The following HEATR6 variants were observed in gnomAD, a reference collection of about 807,000 sequenced individuals.
The protein encoded by HEATR6 is HEAT repeat containing 6.
In HEATR6, 106 loss-of-function variants were observed where a neutral mutation model predicts 132.8. The observed-to-expected ratio is 0.80, with a 90% CI of 0.68 to 0.94. HEATR6 has a LOEUF of 0.94. Among genes scored for constraint, HEATR6 ranks in the 40% least tolerant of loss-of-function variants. HEATR6 has a pLI of 0.00. For synonymous variants in HEATR6, 529 were observed against 537.8 expected, an observed-to-expected ratio of 0.98 and a Z score of 0.23; for missense variants, 1,339 against 1,425.1, an observed-to-expected ratio of 0.94 and a Z score of 0.97.
chr17:60,051,814 A>G (rs1906583871), intron 14 of HEATR6, among the ~76,000 whole-genome samples: 1 of 152,108 alleles, frequency 6.6e-6, no homozygotes, highest in African/African-American at 2.4e-5. Flanking sequence ...GCTCCTGGAA[A>G]CCCAGTCTGG....
At chr17:60,060,768 C>A (rs1180108167) in intron 9 of HEATR6, among the ~76,000 whole-genome samples, 1 of 152,156 alleles carries the variant, frequency 6.6e-6, no homozygotes, top group African/African-American at 2.4e-5. Context: ...CATTAGTGAT[C>A]CAACTTTCAG....
At chr17:60,060,442 TA>T (rs996498843) in intron 9 of HEATR6, among the ~76,000 whole-genome samples, 11 of 151,232 alleles carry the variant, frequency 7.3e-5, no homozygotes, top group South Asian at 2.1e-4. Flanking sequence ...CACACCTGGC[TA>T]AAAAAAAATC....
chr17:60,049,892 G>C (rs1035455679), intron 15 of HEATR6, among the ~76,000 whole-genome samples, 190 bp from the exon 16 acceptor site: 5 of 152,210 alleles, frequency 3.3e-5, no homozygotes, highest in African/African-American at 9.6e-5. Context: ...CCCACTTTGT[G>C]CAAGACACAC....
intron 18 of HEATR6, among the ~76,000 whole-genome samples, chr17:60,046,754 A>G (rs1906379906): frequency 1.3e-5 from 2 of 152,212 alleles, no homozygotes; most frequent in South Asian, 4.1e-4. Context: ...TATTAAAGTG[A>G]GCACATGGTA....
At chr17:60,062,103 A>G (rs1822685113) in intron 9 of HEATR6, among the ~76,000 whole-genome samples, 1 of 152,216 alleles carries the variant, frequency 6.6e-6, no homozygotes, top group South Asian at 2.1e-4. Flanking sequence ...TACTTCTCAC[A>G]GTTCTGAGTT....
chr17:60,072,104 G>A (rs1327906742), intron 5 of HEATR6, 111 bp downstream of exon 5: 4 of 449,068 alleles, frequency 8.9e-6, no homozygotes, highest in Admixed American at 4.1e-5. Context: ...TCATATATGT[G>A]TATTTCTCTA....
chr17:60,048,736 A>G (rs376408655), intron 16 of HEATR6, among the ~76,000 whole-genome samples: 1 of 152,016 alleles, frequency 6.6e-6, no homozygotes, highest in African/African-American at 2.4e-5. Context: ...AAAGAAATGC[A>G]TTTCCAAAAC....
rs566042651 is a variant in HEATR6, at chr17:60,067,163, G to A, written c.1238+271C>T. On this transcript the variant is annotated intron_variant, in intron 8 of 19. Transcript: ENST00000184956. ...CGGGCGCCTGTAGTCCCAGCTACTC[G>A]GGAGGCTGAGGCAGGAGAATGGCGT... Among the ~76,000 whole-genome samples the A allele has an allele frequency of 2.0e-3, 305 of 150,316 alleles. 1 individual carries two copies. Among genetic ancestry groups the A allele is most frequent in the Non-Finnish European group, 3.4e-3 (227 of 67,216 alleles).
At chr17:60,061,636 T>C (rs1016092276) in intron 9 of HEATR6, among the ~76,000 whole-genome samples, 1 of 152,262 alleles carries the variant, frequency 6.6e-6, no homozygotes, top group African/African-American at 2.4e-5. Context: ...CCAAAAAGAC[T>C]TGATTTACGG....
At chr17:60,049,122 A>AGTGTGTGTGTGTGTGTGT (rs531092208) in intron 16 of HEATR6, among the ~76,000 whole-genome samples, 239 of 134,838 alleles carry the variant, frequency 1.8e-3, no homozygotes, top group African/African-American at 6.3e-3. Flanking sequence ...AGAGACAGAG[A>AGTGTGTGTGTGTGTGTGT]GTGTGTGTGT....
chr17:60,073,299 A>G lies in HEATR6; in HGVS notation c.469-20T>C, dbSNP rs746549597. 6 of 1,356,460 alleles carry G rather than the reference A, an allele frequency of 4.4e-6. No individual in the cohort carries two copies. In the Admixed American group the frequency reaches 5.2e-5, roughly 12 times the overall value. The allele number at this position is 1,356,460 out of a possible 1,614,324, so 84.0% of individuals were successfully genotyped here. A position where few individuals can be genotyped will look rare whatever the true frequency, so the allele number is the denominator to read the frequency against. On this transcript the variant is annotated intron_variant, in intron 3 of 19. Coordinates refer to ENST00000184956, the MANE Select transcript of HEATR6 (RefSeq NM_022070.5). ...GAGGTACTAAGAAAAATAAGAGTCA[A>G]TGTAGGTCAAAGAAAAGCTTCTAGG...
In HEATR6 at chr17:60,046,100, C is replaced by G. The variant is rs1297688926; in HGVS notation, c.2899G>C (p.Glu967Gln). 2 of 1,614,086 alleles carry G rather than the reference C, an allele frequency of 1.2e-6. No homozygotes were observed. Among genetic ancestry groups the G allele is most frequent in the Non-Finnish European group, 1.7e-6 (2 of 1,179,978 alleles). The change falls in exon 19 of 20, where the codon GAA becomes CAA. Residue 967 changes from glutamate to glutamine, a missense_variant. Transcript: ENST00000184956. ...IQALISTVLT[E>Q]AAMKVRWNAC... ...TTCCATCGGACTTTCATGGCAGCTT[C>G]TGTTAGAACAGTAGAAATTAGGGCC...
chr17:60,072,788 C>T (rs557626043), intron 4 of HEATR6, among the ~76,000 whole-genome samples: 2 of 152,282 alleles, frequency 1.3e-5, no homozygotes, highest in Admixed American at 1.3e-4. Flanking sequence ...GGGCTGTTTC[C>T]ATCTTCTTCA....
intron 1 of HEATR6, 179 bp from the exon 2 acceptor site, chr17:60,076,416 GA>G (rs2083296915): frequency 5.4e-6 from 3 of 556,416 alleles, no homozygotes; most frequent in South Asian, 2.1e-5. Flanking sequence ...AAAAAAGAAG[GA>G]AAAAGCCAGG....
At position 60,078,752 on chromosome 17, in the gene HEATR6, G is replaced by T. The variant is rs769896437; in HGVS notation, c.163C>A (p.Leu55Ile). ...TTCTCGGAGATGAGCTGATCGAAGA[G>T]CAGGTGGATCTCGGTGCGGGCGGAG... ...SSSARTEIHL[L>I]FDQLISENYS... The change falls in exon 1 of 20, where the codon CTC becomes ATC. Residue 55 changes from leucine to isoleucine, a missense_variant. Transcript: ENST00000184956. 80 of 1,566,368 alleles carry T rather than the reference G, an allele frequency of 5.1e-5. No homozygotes were observed. The highest frequency in any genetic ancestry group is 2.6e-6 in the Non-Finnish European group (3 of 1,156,672).
In HEATR6 at chr17:60,076,148, A is replaced by T. The variant is rs1435476076; in HGVS notation, c.309T>A (p.His103Gln). The stretch of plus-strand genomic sequence containing the variant: ...TGATTACCTGTAATCTGTTAAGTAA[A>T]TGGTGGATAAGCTGGCTCACTTTGC... ...LVSKVSQLIH[H>Q]LLNRLQVIVD... The change falls in exon 2 of 20, where the codon CAT (histidine) becomes CAA (glutamine). Residue 103 changes from histidine to glutamine, a missense_variant. By Grantham distance (24) the His-to-Gln change is conservative. Coordinates refer to ENST00000184956, the MANE Select transcript of HEATR6 (RefSeq NM_022070.5). 1.9e-6 allele frequency: 3 copies of T among 1,602,252 alleles called. No homozygotes were observed. Among genetic ancestry groups the T allele is most frequent in the Non-Finnish European group, 2.6e-6 (3 of 1,170,214 alleles).
At chr17:60,049,148 T>TGC (rs1242015975) in intron 16 of HEATR6, among the ~76,000 whole-genome samples, 3 of 150,240 alleles carry the variant, frequency 2.0e-5, no homozygotes, top group Admixed American at 6.6e-5. Context: ...TGTGTGTGTG[T>TGC]GTGTGTGTCT....
intron 9 of HEATR6, chr17:60,063,406 T>C (rs1329876964): frequency 1.3e-5 from 2 of 152,224 alleles, no homozygotes; most frequent in Non-Finnish European, 2.9e-5. Context: ...AAGGAAATCA[T>C]ATCCAAGAAA....
At chr17:60,062,964 C>T (rs906523568) in intron 9 of HEATR6, 2 of 174,494 alleles carry the variant, frequency 1.1e-5, no homozygotes, top group Non-Finnish European at 2.3e-5. Flanking sequence ...GTGCCTTTTG[C>T]CTCCTGCCAT....
Sources: allele counts gnomAD v4.1 joint callset (sites outside exome capture counted in the v4.1 genomes callset), GRCh38; gene constraint gnomAD v4.1.1; transcripts MANE v1.5; gene names NCBI Gene and HGNC (gene_info 2026-07-23, HGNC 2026-07-21).